PM20D2: variants seen among roughly 807,000 people sequenced by gnomAD.
The protein encoded by PM20D2 is xaa-Arg dipeptidase.
Under a neutral mutation model 42.9 loss-of-function variants are expected in PM20D2, and 33 were observed. The ratio of observed to expected loss-of-function variants is 0.77; its 90% CI spans 0.58 to 1.03. The LOEUF is 1.03. Among genes scored for constraint, PM20D2 ranks in the 50% least tolerant of loss-of-function variants. The probability of loss-of-function intolerance (pLI) is 0.00; values close to 1 mark genes in which losing one functional copy is unlikely to be tolerated. For missense variants in PM20D2, 548 were observed against 557.0 expected, an observed-to-expected ratio of 0.98 and a Z score of 0.16; for synonymous variants, 250 against 228.2, an observed-to-expected ratio of 1.10 and a Z score of -0.86.
the PM20D2 span, among the ~76,000 whole-genome samples, chr6:89,109,058 G>C: frequency 6.6e-6 from 1 of 152,074 alleles, no homozygotes; most frequent in Non-Finnish European, 1.5e-5. Context: ...CATGTGCCAG[G>C]CTCTAGGAAT....
At chr6:89,156,870 C>G (rs1396713335) in intron 4 of PM20D2, among the ~76,000 whole-genome samples, 1 of 152,094 alleles carries the variant, frequency 6.6e-6, no homozygotes, top group Non-Finnish European at 1.5e-5. Flanking sequence ...TCATATGCCA[C>G]TAGAGAAGAT....
chr6:89,153,253 A>G (rs1464337640), intron 3 of PM20D2, 68 bp downstream of exon 3: 1 of 1,224,954 alleles, frequency 8.2e-7, no homozygotes, highest in Admixed American at 3.0e-5. Flanking sequence ...TAATTATTTA[A>G]TATTCAATTT....
At chr6:89,117,976 G>A in the PM20D2 span, 8 of 1,397,514 alleles carry the variant, frequency 5.7e-6, no homozygotes, top group African/African-American at 3.0e-5. Context: ...CAGGAGCTCC[G>A]CCGGCCCCCG....
the PM20D2 span, among the ~76,000 whole-genome samples, chr6:89,124,989 C>T: frequency 6.6e-6 from 1 of 151,942 alleles, no homozygotes; most frequent in Non-Finnish European, 1.5e-5. Flanking sequence ...CTGCCTCAGC[C>T]TTCCAAAATG....
At chr6:89,151,237 T>TA (rs1770827681) in intron 2 of PM20D2, among the ~76,000 whole-genome samples, 1 of 150,888 alleles carries the variant, frequency 6.6e-6, no homozygotes, top group Non-Finnish European at 1.5e-5. Flanking sequence ...AAAAATTCTT[T>TA]TTTTTTTTTT....
At chr6:89,117,450 C>T in the PM20D2 span, among the ~76,000 whole-genome samples, 1 of 152,180 alleles carries the variant, frequency 6.6e-6, no homozygotes, top group East Asian at 1.9e-4. Flanking sequence ...GACAAAGGAG[C>T]TGAAACGCGG....
At chr6:89,145,096 G>T (rs1252822836), upstream of PM20D2, among the ~76,000 whole-genome samples, 1 of 152,174 alleles carries the variant, frequency 6.6e-6, no homozygotes, top group Non-Finnish European at 1.5e-5. Flanking sequence ...AGATGATAGG[G>T]TATGAAGAGC....
At chr6:89,131,182 ATAAAT>A in the PM20D2 span, among the ~76,000 whole-genome samples, 4 of 152,138 alleles carry the variant, frequency 2.6e-5, no homozygotes, top group East Asian at 1.9e-4. Context: ...CACTCCCAAG[ATAAAT>A]TAATCTATTA....
At chr6:89,158,234 C>G (rs1449626502) in intron 4 of PM20D2, 91 bp from the exon 5 acceptor site, 13 of 1,163,944 alleles carry the variant, frequency 1.1e-5, no homozygotes, top group South Asian at 1.6e-5. Context: ...CTCTTAAAAC[C>G]TCTTCCTATT....
chr6:89,099,073 T>A, the PM20D2 span: 104 of 1,186,884 alleles, frequency 8.8e-5, 1 homozygote, highest in Non-Finnish European at 9.2e-5. Flanking sequence ...GCTAAAAAAA[T>A]TTCTCATTTT....
In PM20D2 at chr6:89,153,114, A is replaced by G; in HGVS notation, c.686A>G (p.Asp229Gly). The G allele has an allele frequency of 6.2e-7, 1 of 1,612,488 alleles. No homozygotes were observed. Among genetic ancestry groups the G allele is most frequent in the Non-Finnish European group, 8.5e-7 (1 of 1,178,964 alleles). ...CCCTGGGAAGGATTAAATGCATTAG[A>G]TGCTGCTGTGCTGGCCTATAACAAT... ...SYPWEGLNALDAAVLAYNNLS... is the reference protein window; with the variant it reads ...SYPWEGLNALGAAVLAYNNLS... The change falls in exon 3 of 7, where the codon GAT becomes GGT. Residue 229 changes from aspartate (D) to glycine (G), a missense_variant. Asp to Gly is a moderately conservative substitution (Grantham distance 94). Transcript: ENST00000275072.
the PM20D2 span, among the ~76,000 whole-genome samples, chr6:89,111,681 G>A: frequency 2.6e-5 from 4 of 152,144 alleles, no homozygotes; most frequent in East Asian, 3.9e-4. Flanking sequence ...AAACGTTGGC[G>A]GTTGTGAGTG....
the PM20D2 span, among the ~76,000 whole-genome samples, chr6:89,132,434 C>T: frequency 2.6e-5 from 4 of 151,176 alleles, no homozygotes; most frequent in Non-Finnish European, 4.4e-5. Context: ...GAAGCACTTA[C>T]GGAGCCCTCT....
At chr6:89,158,163 CTTT>C (rs1166278068) in intron 4 of PM20D2, among the ~76,000 whole-genome samples, 159 bp from the exon 5 acceptor site, 1 of 152,066 alleles carries the variant, frequency 6.6e-6, no homozygotes, top group African/African-American at 2.4e-5. Flanking sequence ...GAAAATAAAT[CTTT>C]TTTCTTTTTT....
chr6:89,149,595 TG>T (rs1770758329), intron 2 of PM20D2, among the ~76,000 whole-genome samples, 182 bp downstream of exon 2: 1 of 152,244 alleles, frequency 6.6e-6, no homozygotes, highest in Non-Finnish European at 1.5e-5. Flanking sequence ...AGATTCATTA[TG>T]GTGTTCATAA....
upstream of PM20D2, chr6:89,146,013 G>T (rs941085703): frequency 9.3e-6 from 7 of 749,068 alleles, no homozygotes; most frequent in South Asian, 4.1e-5. Flanking sequence ...TGGGGGTGGT[G>T]CCCTGGGAGC....
chr6:89,115,185 C>T, the PM20D2 span, among the ~76,000 whole-genome samples: 1 of 151,956 alleles, frequency 6.6e-6, no homozygotes, highest in African/African-American at 2.4e-5. Flanking sequence ...GTAACCTTGA[C>T]CTCCCGGGCT....
At chr6:89,150,122 C>T (rs906897954) in intron 2 of PM20D2, among the ~76,000 whole-genome samples, 2 of 152,128 alleles carry the variant, frequency 1.3e-5, no homozygotes, top group African/African-American at 2.4e-5. Context: ...AGAAGTAGCT[C>T]GGTACTGAGG....
the PM20D2 span, among the ~76,000 whole-genome samples, chr6:89,129,830 G>T: frequency 2.8e-4 from 42 of 151,524 alleles, 1 homozygote; most frequent in South Asian, 8.8e-3. Flanking sequence ...TTGCTTCAAC[G>T]GATCCTCCCA....
Sources: gnomAD v4.1 joint callset for allele counts (sites outside exome capture counted in the v4.1 genomes callset) on GRCh38, gnomAD v4.1.1 for gene constraint, MANE v1.5 for transcripts, NCBI Gene and HGNC (gene_info 2026-07-23, HGNC 2026-07-21) for gene names.